Variants in HEATR5B observed in about 807,000 individuals in gnomAD.
HEATR5B encodes the protein HEAT repeat-containing protein 5B.
In HEATR5B, 156 loss-of-function variants were observed where a neutral mutation model predicts 224.1. The observed-to-expected ratio is 0.70, with a 90% CI of 0.61 to 0.80. The LOEUF is 0.80. HEATR5B is among the 30% of genes least tolerant of loss of function. The pLI is 0.00. For synonymous variants in HEATR5B, 1,027 were observed against 893.0 expected, an observed-to-expected ratio of 1.15 and a Z score of -2.68; for missense variants, 2,323 against 2,535.5, an observed-to-expected ratio of 0.92 and a Z score of 1.80.
intron 5 of HEATR5B, among the ~76,000 whole-genome samples, chr2:37,075,140 T>C (rs1222592152): frequency 1.3e-5 from 2 of 152,230 alleles, no homozygotes; most frequent in Non-Finnish European, 2.9e-5. Flanking sequence ...TTTTTTGTAA[T>C]AATCAAAACT....
chr2:37,058,234 G>A (rs1015653047), intron 14 of HEATR5B, among the ~76,000 whole-genome samples: 1 of 152,102 alleles, frequency 6.6e-6, no homozygotes, highest in East Asian at 1.9e-4. Flanking sequence ...GGCCTCATAA[G>A]TTGCAACACA....
rs192053211 is a variant in HEATR5B at position 37,009,215 on chromosome 2, G to A, written c.4285-367C>T. On this transcript the variant is annotated intron_variant, in intron 27 of 35. Transcript: ENST00000233099. Reference sequence around the variant, plus strand: ...GGAGGTTGCAGTGAGCCGAGATCGCGCTGCTGCACTCCAGCCTGGTGACAA... The same window carrying A: ...GGAGGTTGCAGTGAGCCGAGATCGCACTGCTGCACTCCAGCCTGGTGACAA... 2.1e-3 allele frequency among the ~76,000 whole-genome samples: 299 copies of A among 144,076 alleles called. 3 individuals are homozygous for A. The highest frequency in any genetic ancestry group is 3.9e-3 in the South Asian group (18 of 4,558). The allele number at this position is 144,076 out of a possible 152,430, so 94.5% of individuals were successfully genotyped here. A position where few individuals can be genotyped will look rare whatever the true frequency, so the allele number is the denominator to read the frequency against.
At chr2:37,037,815 A>G (rs761340614) in intron 21 of HEATR5B, 40 bp downstream of exon 21, 1 of 1,373,046 alleles carries the variant, frequency 7.3e-7, no homozygotes, top group Middle Eastern at 2.4e-4. Flanking sequence ...AAAATAAAAT[A>G]CAACTTAAAA....
intron 7 of HEATR5B, 143 bp downstream of exon 7, chr2:37,070,087 A>C: frequency 1.4e-6 from 1 of 708,398 alleles, no homozygotes; most frequent in South Asian, 1.8e-5. Context: ...TTTAGTAGAC[A>C]TGGGGTTTCA....
chr2:37,005,544 T>TA lies in HEATR5B; in HGVS notation c.4905+87dup, dbSNP rs1191679336. On this transcript the variant is annotated intron_variant, in intron 30 of 35. Coordinates refer to ENST00000233099, the MANE Select transcript of HEATR5B (RefSeq NM_019024.3). Reference sequence around the variant, plus strand: ...CATATCATGTTAAAATAGGATCCAATACAGAAAAAAAATCCATCCTTTTTT... The same window carrying TA: ...CATATCATGTTAAAATAGGATCCAATAACAGAAAAAAAATCCATCCTTTTTT... 5.6e-5 allele frequency: 69 copies of TA among 1,228,284 alleles called. No individual in the cohort carries two copies. The East Asian group carries it at 1.6e-3, about 29-fold the overall frequency. 76.1% of individuals were successfully genotyped at this position (1,228,284 alleles called of 1,614,324 possible). A position where few individuals can be genotyped will look rare whatever the true frequency, so the allele number is the denominator to read the frequency against.
intron 33 of HEATR5B, among the ~76,000 whole-genome samples, chr2:36,996,437 T>G (rs1666717790): frequency 6.6e-6 from 1 of 151,362 alleles, no homozygotes; most frequent in South Asian, 2.1e-4. Flanking sequence ...TCTTTTTTTT[T>G]TTTTTGAAAT....
At chr2:37,007,931 T>C (rs1393289182) in intron 28 of HEATR5B, among the ~76,000 whole-genome samples, 2 of 152,208 alleles carry the variant, frequency 1.3e-5, no homozygotes, top group African/African-American at 4.8e-5. Flanking sequence ...CATCTTCTCT[T>C]TCTATCACAA....
rs1455715907 is a variant in HEATR5B, at chr2:36,988,507, A to T, written c.5911+139T>A. On this transcript the variant is annotated intron_variant, in intron 35 of 35. Transcript: ENST00000233099. ...GATCTCCTGACCTCGTGATCCACCC[A>T]CCTTGGCCTCCCAGAGTGCTGGGAC... The T allele has an allele frequency of 2.2e-5, 14 of 639,692 alleles. 1 individual carries two copies. In the Admixed American group the frequency reaches 2.9e-4, roughly 13 times the overall value. The allele number at this position is 639,692 out of a possible 1,614,324, so 39.6% of individuals were successfully genotyped here. A position where few individuals can be genotyped will look rare whatever the true frequency, so the allele number is the denominator to read the frequency against.
chr2:37,009,205 C>A (rs2148401543), intron 27 of HEATR5B, among the ~76,000 whole-genome samples: 1 of 145,638 alleles, frequency 6.9e-6, no homozygotes, highest in South Asian at 2.2e-4. Context: ...TTGCAGTGAG[C>A]CGAGATCGCG....
At chr2:36,993,732 A>G (rs1666497616) in intron 33 of HEATR5B, among the ~76,000 whole-genome samples, 1 of 152,198 alleles carries the variant, frequency 6.6e-6, no homozygotes, top group African/African-American at 2.4e-5. Flanking sequence ...AAGCAACATT[A>G]CAAAGCAATA....
intron 27 of HEATR5B, among the ~76,000 whole-genome samples, chr2:37,013,508 G>C (rs1044075709): frequency 3.9e-5 from 6 of 152,124 alleles, no homozygotes; most frequent in African/African-American, 1.4e-4. Flanking sequence ...AACAAAGCAA[G>C]ACCCTACCTT....
chr2:37,042,418 T>C (rs1572872838), intron 18 of HEATR5B, among the ~76,000 whole-genome samples: 1 of 152,148 alleles, frequency 6.6e-6, no homozygotes, highest in East Asian at 1.9e-4. Context: ...GAACATCAGT[T>C]TGAAAAGTGC....
chr2:37,049,841 G>T lies in HEATR5B; in HGVS notation c.2508C>A (p.Gly836=), dbSNP rs1292172730. The change falls in exon 18 of 36, where the codon GGC becomes GGA. Residue 836 remains glycine (G), a splice_region_variant and synonymous_variant. Coordinates refer to ENST00000233099, the MANE Select transcript of HEATR5B (RefSeq NM_019024.3). ...CTAAAGTACTTTTGTTTTCAGCTAA[G>T]CCCTACATTAAAAAAAAAAAAAAAA... The part of the protein sequence containing the change: ...IFTAVLSALK[G]LAENKSTLGP... 8.6e-6 allele frequency: 8 copies of T among 928,394 alleles called. No homozygotes were observed. Among genetic ancestry groups the T allele is most frequent in the Non-Finnish European group, 8.9e-6 (6 of 670,624 alleles). The allele number at this position is 928,394 out of a possible 1,614,324, so 57.5% of individuals were successfully genotyped here. A position where few individuals can be genotyped will look rare whatever the true frequency, so the allele number is the denominator to read the frequency against.
Position 37,005,775 on chromosome 2 carries a change from T to C in HEATR5B, c.4778-16A>G. On this transcript the variant is annotated splice_polypyrimidine_tract_variant and intron_variant, in intron 29 of 35. Coordinates refer to ENST00000233099, the MANE Select transcript of HEATR5B (RefSeq NM_019024.3). ...ATACTCACACCTGAAATGCACAAAA[T>C]AAAAACATGTTTTTTCACTTATAAA... 6.5e-7 allele frequency: 1 copy of C among 1,550,150 alleles called. No homozygotes were observed. The highest frequency in any genetic ancestry group is 2.3e-5 in the East Asian group (1 of 43,740).
chr2:36,998,647 G>A (rs933414373), intron 33 of HEATR5B, among the ~76,000 whole-genome samples: 9 of 152,054 alleles, frequency 5.9e-5, no homozygotes, highest in Admixed American at 1.3e-4. Context: ...ATCATTGACA[G>A]GGAAATGAAT....
At chr2:37,050,640 T>A (rs933373334) in intron 17 of HEATR5B, among the ~76,000 whole-genome samples, 1 of 152,214 alleles carries the variant, frequency 6.6e-6, no homozygotes, top group African/African-American at 2.4e-5. Flanking sequence ...AAGAGGATAT[T>A]TGGAAGAGTA....
chr2:37,019,460 C>CA (rs1456627558), intron 26 of HEATR5B, among the ~76,000 whole-genome samples: 11 of 143,486 alleles, frequency 7.7e-5, no homozygotes, highest in African/African-American at 2.8e-4. Context: ...TCCTCTCTCT[C>CA]TTTTTTTTTT....
At chr2:37,035,022 T>C (rs1669390295) in intron 21 of HEATR5B, among the ~76,000 whole-genome samples, 3 of 152,176 alleles carry the variant, frequency 2.0e-5, no homozygotes, top group East Asian at 1.9e-4. Flanking sequence ...GTGGGGACAA[T>C]ATCCAATCCA....
At position 37,070,321 on chromosome 2, in the gene HEATR5B, A is replaced by G; in HGVS notation, c.836T>C (p.Leu279Pro). The G allele has an allele frequency of 6.2e-7, 1 of 1,614,086 alleles. No homozygotes were observed. Among genetic ancestry groups the G allele is most frequent in the Non-Finnish European group, 8.5e-7 (1 of 1,179,920 alleles). ...CTTTAAGAAACCTGACCCTCCACGC[A>G]GAAATCCTGTGGCCATGAGTTCTAA... Reference protein sequence around the residue: ...EVLELMATGFLRGGSGFLKSG... With the variant: ...EVLELMATGFPRGGSGFLKSG... The change falls in exon 7 of 36, where the codon CTG (leucine) becomes CCG (proline). Residue 279 changes from leucine to proline, a missense_variant. Leu to Pro is a moderately conservative substitution (Grantham distance 98). This residue lies in a region of HEATR5B where 292 missense variants were observed against 332.6 expected (regional missense o/e 0.88). Transcript: ENST00000233099.
Sources: allele counts gnomAD v4.1 joint callset (sites outside exome capture counted in the v4.1 genomes callset), GRCh38; gene constraint gnomAD v4.1.1; regional missense constraint gnomAD v4.1.1; transcripts MANE v1.5; gene names NCBI Gene and HGNC (gene_info 2026-07-23, HGNC 2026-07-21).